SBNO2: variants seen among roughly 807,000 people sequenced by gnomAD.
SBNO2 encodes strawberry notch homolog 2.
In SBNO2, 89 loss-of-function variants were observed where a neutral mutation model predicts 146.3. The observed-to-expected ratio is 0.61, with a 90% CI of 0.51 to 0.73. The LOEUF (loss-of-function observed/expected upper bound fraction) is 0.73, where lower values mean the gene tolerates loss of function less well. Ranked by LOEUF, SBNO2 falls within the 30% of genes least tolerant of loss-of-function variation. SBNO2 has a pLI of 0.00. For synonymous variants in SBNO2, 1,147 were observed against 892.6 expected, an observed-to-expected ratio of 1.29 and a Z score of -5.08; for missense variants, 2,092 against 2,003.7, an observed-to-expected ratio of 1.04 and a Z score of -0.84.
intron 4 of SBNO2, 91 bp from the exon 5 acceptor site, chr19:1,127,856 G>A (rs2079984568): frequency 4.1e-6 from 5 of 1,209,994 alleles, no homozygotes; most frequent in East Asian, 2.4e-5. Flanking sequence ...GAGACACCAC[G>A]GCCCTCCACA....
At chr19:1,124,074 G>A (rs1304883456) in intron 5 of SBNO2, 52 bp from the exon 6 acceptor site, 2 of 1,562,056 alleles carry the variant, frequency 1.3e-6, no homozygotes, top group Admixed American at 3.6e-5. Context: ...GGTCACAGCT[G>A]GTGGGCCCTC....
At chr19:1,170,316 G>A (rs916132122) in intron 1 of SBNO2, among the ~76,000 whole-genome samples, 1 of 152,194 alleles carries the variant, frequency 6.6e-6, no homozygotes, top group Admixed American at 6.5e-5. Flanking sequence ...CAGCAGGGAG[G>A]CAAGGTGACC....
intron 4 of SBNO2, among the ~76,000 whole-genome samples, chr19:1,138,673 C>A (rs918919540): frequency 1.3e-5 from 2 of 151,962 alleles, no homozygotes; most frequent in Non-Finnish European, 1.5e-5. Context: ...CCATCACAGA[C>A]AGACACAGTG....
At position 1,122,987 on chromosome 19, in the gene SBNO2, G is replaced by C; in HGVS notation, c.687C>G (p.Val229=). 6.3e-7 allele frequency: 1 copy of C among 1,579,528 alleles called. No individual in the cohort carries two copies. Among genetic ancestry groups the C allele is most frequent in the South Asian group, 1.2e-5 (1 of 85,970 alleles). ...GGGTGTAGGTGATGTCTGGGGGTGG[G>C]ACGCTGGACAGTGTGCTGGTCTCCA... is the stretch of plus-strand genomic sequence containing the variant. ...RVVETSTLSS[V]PPPDITYTLA... The change falls in exon 8 of 32, where the codon GTC becomes GTG. Residue 229 remains valine, a synonymous_variant. Transcript: ENST00000361757.
chr19:1,161,599 G>C (rs1315100782), intron 1 of SBNO2, among the ~76,000 whole-genome samples: 3 of 151,474 alleles, frequency 2.0e-5, no homozygotes, highest in Non-Finnish European at 4.4e-5. Flanking sequence ...GTGCCTTCCT[G>C]TCTCAACACA....
intron 14 of SBNO2, among the ~76,000 whole-genome samples, chr19:1,117,942 C>A (rs549163599): frequency 6.6e-6 from 1 of 152,200 alleles, no homozygotes; most frequent in Non-Finnish European, 1.5e-5. Flanking sequence ...ACTCTGGCCA[C>A]GGATGCTGCT....
At position 1,109,394 on chromosome 19, in the gene SBNO2, C is replaced by T. The variant is rs1222683068; in HGVS notation, c.3246G>A (p.Leu1082=). ...AGAACTGGCCGCGGTTCTGCTCCGC[C>T]AGCAGGCAGCTGGGCTTGTTACCGC... ...KVRGNKPSCL[L]AEQNRGQFFT... Residue 1082 remains leucine, a synonymous_variant, in exon 29 of 32, where the codon CTG becomes CTA. Coordinates refer to ENST00000361757, the MANE Select transcript of SBNO2 (RefSeq NM_014963.3). This position sits in a 1 kb window ranked among gnomAD's most constrained non-coding sequence, Gnocchi z 4.2. The T allele has an allele frequency of 6.4e-7, 1 of 1,569,956 alleles. No individual in the cohort carries two copies. Among genetic ancestry groups the T allele is most frequent in the South Asian group, 1.2e-5 (1 of 86,162 alleles).
At chr19:1,116,393 A>G (rs1249171482) in intron 16 of SBNO2, among the ~76,000 whole-genome samples, 31 of 68,270 alleles carry the variant, frequency 4.5e-4, no homozygotes, top group African/African-American at 1.4e-3. Context: ...GGCAGGGTGA[A>G]GGGGTAGCTG....
intron 17 of SBNO2, chr19:1,115,298 T>C (rs2079817849): frequency 1.3e-5 from 2 of 151,690 alleles, no homozygotes; most frequent in African/African-American, 4.9e-5. Flanking sequence ...TGGAGTGCAG[T>C]GGCATGATCT....
rs575829396 is a variant in SBNO2 at position 1,173,152 on chromosome 19, G to C, written c.-127+1020C>G. ...ACGCCCCAGGTCAGTCTGGGGATTG[G>C]TCCCTCCAGGCCCCACCTGCCTTAT... On this transcript the variant is annotated intron_variant, in intron 1 of 31. Transcript: ENST00000361757. The surrounding 1 kb of genome is among the most constrained non-coding windows in gnomAD (Gnocchi z 4.7). 6.6e-6 allele frequency among the ~76,000 whole-genome samples: 1 copy of C among 152,250 alleles called. No homozygotes were observed. The highest frequency in any genetic ancestry group is 2.1e-4 in the South Asian group (1 of 4,830).
Position 1,111,524 on chromosome 19 carries a change from C to T in SBNO2, c.2791G>A (p.Val931Ile), listed in dbSNP as rs780352421. Residue 931 changes from valine (V) to isoleucine (I), a missense_variant, in exon 24 of 32, where the codon GTC (valine) becomes ATC (isoleucine). Physicochemically the swap from Val to Ile is conservative, Grantham distance 29. Transcript: ENST00000361757. ...VPVPQGYPGG[V>I]PTFFRDMKQG... ...AGCTTACCCCGGAAGAAGGTGGGGA[C>T]CCCTCCAGGGTATCCCTGGGGCACA... The T allele has an allele frequency of 6.3e-7, 1 of 1,584,438 alleles. No individual in the cohort carries two copies. The highest frequency in any genetic ancestry group is 1.3e-5 in the African/African-American group (1 of 74,262).
Position 1,116,078 on chromosome 19 carries a change from T to G in SBNO2, c.1828A>C (p.Lys610Gln). 6.2e-7 allele frequency: 1 copy of G among 1,611,288 alleles called. No homozygotes were observed. The highest frequency in any genetic ancestry group is 8.5e-7 in the Non-Finnish European group (1 of 1,179,178). Reference protein sequence around the residue: ...AEGVFLSLIQKHFPSTKRKRD... With the variant: ...AEGVFLSLIQQHFPSTKRKRD... The stretch of plus-strand genomic sequence containing the variant: ...TTTCTCTTGGTGGACGGAAAGTGCT[T>G]CTGAATTAGCGACAGGAACACGCCT... Residue 610 changes from lysine to glutamine, a missense_variant, in exon 17 of 32, where the codon AAG (lysine) becomes CAG (glutamine). Transcript: ENST00000361757.
At position 1,157,356 on chromosome 19, in the gene SBNO2, C is replaced by T. The variant is rs1027022919; in HGVS notation, c.-126-2954G>A. Among the ~76,000 whole-genome samples the T allele has an allele frequency of 1.3e-5, 2 of 150,814 alleles. No individual in the cohort carries two copies. The highest frequency in any genetic ancestry group is 6.6e-5 in the Admixed American group (1 of 15,196). ...CGCAGCCCCGGAGACGCTCTCCCCA[C>T]GCGGCCCCGGAGACCCTCTGCCACG... is the stretch of plus-strand genomic sequence containing the variant. On this transcript the variant is annotated intron_variant, in intron 1 of 31. Transcript: ENST00000361757. The surrounding 1 kb of genome is among the most constrained non-coding windows in gnomAD (Gnocchi z 6.8).
chr19:1,167,963 CA>C (rs1021918979), intron 1 of SBNO2, among the ~76,000 whole-genome samples: 2 of 152,186 alleles, frequency 1.3e-5, no homozygotes, highest in African/African-American at 2.4e-5. Flanking sequence ...GTAACCTCCC[CA>C]CCCCTCCCAC....
At chr19:1,145,806 G>T (rs1461238585) in intron 4 of SBNO2, among the ~76,000 whole-genome samples, 6 of 152,100 alleles carry the variant, frequency 3.9e-5, no homozygotes, top group African/African-American at 1.4e-4. Flanking sequence ...GGGCTACTGC[G>T]GGTGAGGACA....
At chr19:1,132,032 C>T in intron 4 of SBNO2, 7 of 1,355,300 alleles carry the variant, frequency 5.2e-6, no homozygotes, top group African/African-American at 1.5e-5. Context: ...TGAATGGGGT[C>T]CCACCTCCCA....
intron 4 of SBNO2, among the ~76,000 whole-genome samples, chr19:1,141,173 T>G (rs970873655): frequency 4.0e-5 from 6 of 151,876 alleles, no homozygotes; most frequent in African/African-American, 1.5e-4. Context: ...CAGAGGCTGC[T>G]GACTCCCCCG....
rs1265607606 is a variant in SBNO2, at chr19:1,109,213, TAG to T, written c.3349-4_3349-3del. 3.2e-6 allele frequency: 5 copies of T among 1,569,186 alleles called. No homozygotes were observed. The highest frequency in any genetic ancestry group is 4.3e-6 in the Non-Finnish European group (5 of 1,158,158). ...CTCCTTGGCCTCCTCCGCGGTGACCTAGGGACACAGGGCCGCATGAGCCTGGG... is the reference window on the plus strand; with the variant it reads ...CTCCTTGGCCTCCTCCGCGGTGACCTGGACACAGGGCCGCATGAGCCTGGG... On this transcript the variant is annotated splice_region_variant and splice_polypyrimidine_tract_variant and intron_variant, in intron 29 of 31. Transcript: ENST00000361757. The surrounding 1 kb of genome is among the most constrained non-coding windows in gnomAD (Gnocchi z 4.2).
At chr19:1,164,206 A>G (rs1196701060) in intron 1 of SBNO2, among the ~76,000 whole-genome samples, 2 of 152,188 alleles carry the variant, frequency 1.3e-5, no homozygotes, top group African/African-American at 4.8e-5. Context: ...GGCTGGTGCC[A>G]TGGGAGGGAA....
Sources: gnomAD v4.1 joint callset for allele counts (sites outside exome capture counted in the v4.1 genomes callset) on GRCh38, gnomAD v4.1.1 for gene constraint, Gnocchi (gnomAD v3.1) non-coding constraint, MANE v1.5 for transcripts, NCBI Gene and HGNC (gene_info 2026-07-23, HGNC 2026-07-21) for gene names.